The following MAP2 variants were observed in gnomAD, a reference collection of about 807,000 sequenced individuals.
MAP2 encodes microtubule-associated protein 2.
A neutral mutation model predicts 137.6 loss-of-function variants in MAP2; 14 were observed. The observed-to-expected ratio is 0.10, with a 90% confidence interval of 0.07 to 0.16. The LOEUF is 0.16. Among genes scored for constraint, MAP2 ranks in the 10% least tolerant of loss-of-function variants. The probability of loss-of-function intolerance (pLI) is 1.00; values close to 1 mark genes in which losing one functional copy is unlikely to be tolerated. For missense variants in MAP2, 2,088 were observed against 2,191.5 expected, an observed-to-expected ratio of 0.95 and a Z score of 0.94; for synonymous variants, 786 against 782.3, an observed-to-expected ratio of 1.00 and a Z score of -0.08.
intron 11 of MAP2, among the ~76,000 whole-genome samples, chr2:209,702,584 G>C (rs1050067670): frequency 6.6e-6 from 1 of 151,662 alleles, no homozygotes; most frequent in Admixed American, 6.6e-5. Flanking sequence ...CTCTTTATTA[G>C]GAAACAGACC....
At chr2:209,721,990 A>C (rs978711936) in intron 13 of MAP2, 5 of 152,226 alleles carry the variant, frequency 3.3e-5, no homozygotes, top group Non-Finnish European at 7.3e-5. Context: ...TTAGATGGGA[A>C]TGGGCACATT....
Position 209,694,768 on chromosome 2 carries a change from C to G in MAP2, c.2598C>G (p.Asp866Glu), listed in dbSNP as rs767049779. Reference sequence around the variant, plus strand: ...TAAAAACGGACAGTCAGCTCGAAGACCTGGGCTACTGTGTGTTCAATAAGT... The same window carrying G: ...TAAAAACGGACAGTCAGCTCGAAGAGCTGGGCTACTGTGTGTTCAATAAGT... ...VIVKTDSQLE[D>E]LGYCVFNKYT... Residue 866 changes from aspartate (D) to glutamate (E), a missense_variant, in exon 8 of 16, where the codon GAC (aspartate) becomes GAG (glutamate). This residue lies in a region of MAP2 where 500 missense variants were observed against 482.9 expected (regional missense o/e 1.04). Transcript: ENST00000682079. 1 of 1,614,158 alleles carries G rather than the reference C, an allele frequency of 6.2e-7. No homozygotes were observed. The highest frequency in any genetic ancestry group is 1.7e-5 in the Admixed American group (1 of 60,014).
At chr2:209,595,198 G>A (rs768716583) in intron 3 of MAP2, among the ~76,000 whole-genome samples, 1 of 135,222 alleles carries the variant, frequency 7.4e-6, no homozygotes, top group Non-Finnish European at 1.5e-5. Context: ...TGAAATTTAG[G>A]TTTGGCGGTT....
chr2:209,614,004 CAT>C (rs1004451264), intron 3 of MAP2, among the ~76,000 whole-genome samples: 12 of 152,258 alleles, frequency 7.9e-5, no homozygotes, highest in East Asian at 3.9e-4. Context: ...AAATCAGACT[CAT>C]GTGGCTTAAT....
At chr2:209,560,322 T>C (rs1298686661) in intron 2 of MAP2, among the ~76,000 whole-genome samples, 1 of 152,242 alleles carries the variant, frequency 6.6e-6, no homozygotes, top group African/African-American at 2.4e-5. Flanking sequence ...TCTTGTGTTT[T>C]TACTTTTCTT....
At chr2:209,470,471 ATATATAT>A (rs1323955228) in intron 1 of MAP2, among the ~76,000 whole-genome samples, 2 of 149,414 alleles carry the variant, frequency 1.3e-5, no homozygotes, top group Non-Finnish European at 3.0e-5. Flanking sequence ...ATATATAAAC[ATATATAT>A]TATATATATA....
chr2:209,641,572 C>T (rs570491169), intron 4 of MAP2, among the ~76,000 whole-genome samples: 1 of 150,594 alleles, frequency 6.6e-6, no homozygotes, highest in Non-Finnish European at 1.5e-5. Flanking sequence ...ATCTAGTAAG[C>T]GGTAGACCCA....
intron 4 of MAP2, among the ~76,000 whole-genome samples, chr2:209,643,934 G>C (rs558833439): frequency 2.2e-4 from 33 of 152,302 alleles, no homozygotes; most frequent in African/African-American, 7.9e-4. Flanking sequence ...CTTCACTTCA[G>C]TTAGTCTATA....
intron 1 of MAP2, among the ~76,000 whole-genome samples, chr2:209,444,159 C>G (rs1162584277): frequency 6.6e-6 from 1 of 151,388 alleles, no homozygotes; most frequent in Non-Finnish European, 1.5e-5. Context: ...AGCACATTAA[C>G]CATTAACACC....
chr2:209,451,324 T>C (rs1700256527), intron 1 of MAP2, among the ~76,000 whole-genome samples: 1 of 152,180 alleles, frequency 6.6e-6, no homozygotes, highest in Admixed American at 6.5e-5. Context: ...TGGCTTCCTG[T>C]TGGATTCAGA....
intron 5 of MAP2, among the ~76,000 whole-genome samples, chr2:209,672,788 G>T (rs1250450311): frequency 6.6e-6 from 1 of 151,958 alleles, no homozygotes; most frequent in Non-Finnish European, 1.5e-5. Flanking sequence ...GTTATACAAG[G>T]TTGCTTAATA....
intron 3 of MAP2, among the ~76,000 whole-genome samples, chr2:209,621,055 C>T (rs1385364875): frequency 2.0e-5 from 3 of 151,474 alleles, no homozygotes; most frequent in Non-Finnish European, 2.9e-5. Context: ...CTTAGCTGGG[C>T]GTGGTGGCAC....
intron 1 of MAP2, among the ~76,000 whole-genome samples, chr2:209,455,155 G>A (rs1701246595): frequency 6.6e-6 from 1 of 152,114 alleles, no homozygotes; most frequent in Non-Finnish European, 1.5e-5. Flanking sequence ...TTGGAGGTTA[G>A]GTCTCCAACA....
At chr2:209,680,694 TACCAGCCTAA>T in intron 6 of MAP2, 46 bp from the exon 7 acceptor site, 1 of 1,451,818 alleles carries the variant, frequency 6.9e-7, no homozygotes, top group African/African-American at 1.4e-5. Context: ...CCTACACATC[TACCAGCCTAA>T]AAGGATTAAT....
At chr2:209,484,246 T>C (rs1204378132) in intron 1 of MAP2, among the ~76,000 whole-genome samples, 1 of 152,236 alleles carries the variant, frequency 6.6e-6, no homozygotes, top group Non-Finnish European at 1.5e-5. Flanking sequence ...GACTGACTTT[T>C]TACAGCACTG....
chr2:209,641,008 C>T (rs926471822), intron 4 of MAP2, among the ~76,000 whole-genome samples: 1 of 151,466 alleles, frequency 6.6e-6, no homozygotes, highest in East Asian at 1.9e-4. Context: ...TTACCTGGAT[C>T]ATGGCCCTGT....
Position 209,653,135 on chromosome 2 carries a change from C to G in MAP2, c.-29-7C>G, listed in dbSNP as rs758431286. The G allele has an allele frequency of 7.8e-6, 12 of 1,539,238 alleles. No homozygotes were observed. Among genetic ancestry groups the G allele is most frequent in the Non-Finnish European group, 1.0e-5 (12 of 1,145,304 alleles). On this transcript the variant is annotated splice_polypyrimidine_tract_variant and splice_region_variant and intron_variant, in intron 4 of 15. Transcript: ENST00000682079. ...CAAAGTAATAGCTACTATTTTTTCT[C>G]TTTCAGTTGCAGGAGAAATAACAAG...
chr2:209,696,443 C>G, intron 8 of MAP2, 93 bp downstream of exon 8: 1 of 1,471,674 alleles, frequency 6.8e-7, no homozygotes, highest in Admixed American at 2.3e-5. Flanking sequence ...CTCTTTATCT[C>G]TTTATTTTGT....
chr2:209,436,037 T>C (rs1273640354), intron 1 of MAP2, among the ~76,000 whole-genome samples: 1 of 77,984 alleles, frequency 1.3e-5, no homozygotes, highest in African/African-American at 3.4e-5. Context: ...TATATATATA[T>C]GTACTGGCCT....
Sources: allele counts gnomAD v4.1 joint callset (sites outside exome capture counted in the v4.1 genomes callset), GRCh38; gene constraint gnomAD v4.1.1; regional missense constraint gnomAD v4.1.1; transcripts MANE v1.5; gene names NCBI Gene and HGNC (gene_info 2026-07-23, HGNC 2026-07-21).